Variants in CFAP95 observed in about 807,000 individuals in gnomAD.
CFAP95 encodes the protein cilia- and flagella-associated protein 95.
At chr9:69,850,759 G>T in the CFAP95 span, among the ~76,000 whole-genome samples, 5 of 152,226 alleles carry the variant, frequency 3.3e-5, no homozygotes, top group East Asian at 9.7e-4. Context: ...GTTGAGCTAG[G>T]GTCTCTTCTT....
the CFAP95 span, among the ~76,000 whole-genome samples, chr9:69,821,433 A>G: frequency 8.8e-6 from 1 of 113,914 alleles, no homozygotes; most frequent in Admixed American, 9.3e-5. Flanking sequence ...TCATTCACAC[A>G]GAGCGGGTGT....
At chr9:69,851,197 A>G in the CFAP95 span, among the ~76,000 whole-genome samples, 3 of 152,174 alleles carry the variant, frequency 2.0e-5, no homozygotes, top group Non-Finnish European at 4.4e-5. Context: ...AATCATGTGC[A>G]TGTATATACA....
At chr9:69,900,250 A>G in the CFAP95 span, among the ~76,000 whole-genome samples, 5 of 152,054 alleles carry the variant, frequency 3.3e-5, no homozygotes, top group Admixed American at 6.6e-5. Flanking sequence ...TGAAAAAAGT[A>G]TATTTTTCTC....
chr9:69,849,751 A>G, the CFAP95 span, among the ~76,000 whole-genome samples: 6 of 152,132 alleles, frequency 3.9e-5, no homozygotes, highest in East Asian at 3.9e-4. Flanking sequence ...TTGATTTCCT[A>G]TTTCAATGGT....
the CFAP95 span, chr9:69,856,566 A>G: frequency 2.5e-5 from 40 of 1,604,014 alleles, no homozygotes; most frequent in Admixed American, 6.5e-4. Context: ...TTTGGACATC[A>G]GAAACACATG....
At chr9:69,843,571 T>C in the CFAP95 span, among the ~76,000 whole-genome samples, 49 of 27,846 alleles carry the variant, frequency 1.8e-3, 1 homozygote, top group African/African-American at 7.9e-3. Context: ...CTTCTTCTTC[T>C]TCTTCTTCTT....
At chr9:69,834,116 G>A in the CFAP95 span, among the ~76,000 whole-genome samples, 2 of 152,096 alleles carry the variant, frequency 1.3e-5, no homozygotes, top group Admixed American at 6.6e-5. Flanking sequence ...TGTTTTGGAC[G>A]GGGGCAGGCT....
chr9:69,905,601 A>G, the CFAP95 span, among the ~76,000 whole-genome samples: 1 of 151,972 alleles, frequency 6.6e-6, no homozygotes, highest in Non-Finnish European at 1.5e-5. Context: ...CATATTTTTA[A>G]AAGGTGTTGA....
the CFAP95 span, among the ~76,000 whole-genome samples, chr9:69,838,190 G>A: frequency 1.3e-5 from 2 of 152,110 alleles, no homozygotes; most frequent in East Asian, 1.9e-4. Flanking sequence ...TGTTCTTTTG[G>A]CTTAGGATTG....
At chr9:69,878,431 C>T in the CFAP95 span, among the ~76,000 whole-genome samples, 4 of 152,216 alleles carry the variant, frequency 2.6e-5, no homozygotes, top group Non-Finnish European at 5.9e-5. Flanking sequence ...TCCTGTCTTC[C>T]ATATAATCCC....
chr9:69,880,961 T>C, the CFAP95 span, among the ~76,000 whole-genome samples: 1 of 152,218 alleles, frequency 6.6e-6, no homozygotes, highest in African/African-American at 2.4e-5. Flanking sequence ...ATGTCTTCTT[T>C]TGAGAAATGT....
chr9:69,845,974 T>C, the CFAP95 span, among the ~76,000 whole-genome samples: 1 of 152,180 alleles, frequency 6.6e-6, no homozygotes, highest in African/African-American at 2.4e-5. Context: ...CAACATCCAC[T>C]TGCTCCATTC....
the CFAP95 span, among the ~76,000 whole-genome samples, chr9:69,887,724 C>G: frequency 6.6e-6 from 1 of 152,224 alleles, no homozygotes; most frequent in African/African-American, 2.4e-5. Context: ...ATTCCTCCAT[C>G]TCGAGTTGAG....
At chr9:69,895,941 G>A in the CFAP95 span, among the ~76,000 whole-genome samples, 98 of 152,250 alleles carry the variant, frequency 6.4e-4, 1 homozygote, top group South Asian at 0.016. Context: ...GATTACAGGC[G>A]TGAGCTGCTG....
chr9:69,852,928 C>T, the CFAP95 span, among the ~76,000 whole-genome samples: 1 of 152,192 alleles, frequency 6.6e-6, no homozygotes, highest in South Asian at 2.1e-4. Flanking sequence ...GTGACTTGCT[C>T]CTCACTGCCT....
the CFAP95 span, among the ~76,000 whole-genome samples, chr9:69,853,134 G>T: frequency 2.0e-5 from 3 of 152,188 alleles, no homozygotes; most frequent in African/African-American, 7.2e-5. Context: ...ATTGTCAATT[G>T]GGGATTATCT....
chr9:69,849,837 G>A, the CFAP95 span, among the ~76,000 whole-genome samples: 4 of 152,208 alleles, frequency 2.6e-5, no homozygotes, highest in South Asian at 8.3e-4. Context: ...AAGCCACTGG[G>A]TTTGCCCTGA....
chr9:69,871,345 AGAAAGCAGGGCCT>A, the CFAP95 span, among the ~76,000 whole-genome samples: 1 of 152,226 alleles, frequency 6.6e-6, no homozygotes, highest in Admixed American at 6.5e-5. Flanking sequence ...ATTGGGGCTA[AGAAAGCAGGGCCT>A]GAAAGCCATG....
the CFAP95 span, among the ~76,000 whole-genome samples, chr9:69,899,274 G>T: frequency 1.3e-5 from 2 of 152,184 alleles, no homozygotes; most frequent in African/African-American, 2.4e-5. Flanking sequence ...ACATGTTGAA[G>T]AGAGATTTAC....
Sources: gnomAD v4.1 joint callset for allele counts (sites outside exome capture counted in the v4.1 genomes callset) on GRCh38, gnomAD v4.1.1 for gene constraint, MANE v1.5 for transcripts, NCBI Gene and HGNC (gene_info 2026-07-23, HGNC 2026-07-21) for gene names.